Variants in CTNNA3 observed in about 807,000 individuals in gnomAD.
CTNNA3 encodes catenin alpha 3, also known as catenin alpha-3.
Under a neutral mutation model 95.7 loss-of-function variants are expected in CTNNA3, and 76 were observed. The ratio of observed to expected loss-of-function variants is 0.79; its 90% confidence interval spans 0.66 to 0.96. The LOEUF is 0.96. Among genes scored for constraint, CTNNA3 ranks in the 40% least tolerant of loss-of-function variants. The probability of loss-of-function intolerance (pLI) is 0.00; values close to 1 mark genes in which losing one functional copy is unlikely to be tolerated. For missense variants in CTNNA3, 1,191 were observed against 1,089.8 expected (o/e 1.09, Z -1.31); for synonymous variants, 431 against 374.4 (o/e 1.15, Z -1.74).
At chr10:66,210,964 T>C (rs2088115370) in intron 13 of CTNNA3, among the ~76,000 whole-genome samples, 1 of 152,214 alleles carries the variant, frequency 6.6e-6, no homozygotes, top group Non-Finnish European at 1.5e-5. Context: ...GAAACAACAC[T>C]TCCCATAAAC....
intron 9 of CTNNA3, among the ~76,000 whole-genome samples, chr10:66,637,346 C>T (rs1196283206): frequency 2.0e-5 from 3 of 152,170 alleles, no homozygotes; most frequent in Non-Finnish European, 4.4e-5. Flanking sequence ...GAAAGCAATG[C>T]TGCATTCAAG....
intron 5 of CTNNA3, among the ~76,000 whole-genome samples, chr10:67,328,668 T>C (rs1443378058): frequency 6.6e-6 from 1 of 152,224 alleles, no homozygotes; most frequent in Non-Finnish European, 1.5e-5. Context: ...TAGCCCCATG[T>C]AGCGTTTCCA....
intron 3 of CTNNA3, among the ~76,000 whole-genome samples, chr10:67,559,606 G>A (rs1454863964): frequency 1.3e-5 from 2 of 152,174 alleles, no homozygotes; most frequent in Non-Finnish European, 2.9e-5. Flanking sequence ...AAGGAACACA[G>A]CTCCTCACCA....
intron 7 of CTNNA3, among the ~76,000 whole-genome samples, chr10:67,119,624 TA>T (rs1859361906): frequency 6.6e-6 from 1 of 151,958 alleles, no homozygotes; most frequent in Non-Finnish European, 1.5e-5. Context: ...TTTTTCTTTC[TA>T]AATCTTTTAG....
At chr10:67,152,778 TC>T (rs1406522033) in intron 7 of CTNNA3, among the ~76,000 whole-genome samples, 1 of 95,440 alleles carries the variant, frequency 1.0e-5, no homozygotes, top group Non-Finnish European at 2.0e-5. Context: ...CTTTTTCCTA[TC>T]TTTCAGTAAA....
chr10:65,988,150 G>T (rs1475524278), intron 16 of CTNNA3, among the ~76,000 whole-genome samples: 1 of 151,966 alleles, frequency 6.6e-6, no homozygotes, highest in Non-Finnish European at 1.5e-5. Flanking sequence ...AATTTATTGT[G>T]TATTTAAAAA....
At chr10:67,458,984 AG>A (rs1847276262) in intron 5 of CTNNA3, among the ~76,000 whole-genome samples, 1 of 152,216 alleles carries the variant, frequency 6.6e-6, no homozygotes, top group Admixed American at 6.5e-5. Context: ...TGCTAAAAGA[AG>A]GAAAGTACAC....
intron 2 of CTNNA3, among the ~76,000 whole-genome samples, chr10:67,619,019 G>A (rs1361640629): frequency 6.6e-6 from 1 of 152,130 alleles, no homozygotes; most frequent in Non-Finnish European, 1.5e-5. Flanking sequence ...TCTTAAAAGT[G>A]TAAATATGGA....
intron 13 of CTNNA3, among the ~76,000 whole-genome samples, chr10:66,178,859 T>C (rs1392250302): frequency 6.6e-6 from 1 of 151,894 alleles, no homozygotes; most frequent in Non-Finnish European, 1.5e-5. Context: ...TGAAATATCA[T>C]TACATACCTA....
At chr10:67,746,812 G>A (rs1394908971) in intron 1 of CTNNA3, among the ~76,000 whole-genome samples, 7 of 152,310 alleles carry the variant, frequency 4.6e-5, no homozygotes, top group South Asian at 2.1e-4. Context: ...TGAGCTCCAC[G>A]GGGAAGGGAC....
At chr10:66,353,223 T>G (rs1272576306) in intron 12 of CTNNA3, among the ~76,000 whole-genome samples, 1 of 152,102 alleles carries the variant, frequency 6.6e-6, no homozygotes, top group Non-Finnish European at 1.5e-5. Flanking sequence ...TCTATTAAAA[T>G]AGAATAGATT....
At chr10:67,245,556 G>T (rs1051058244) in intron 5 of CTNNA3, among the ~76,000 whole-genome samples, 2 of 152,102 alleles carry the variant, frequency 1.3e-5, no homozygotes, top group South Asian at 4.2e-4. Flanking sequence ...CTATCATATG[G>T]CAATAAAATA....
chr10:66,864,930 T>C (rs1275529737), intron 7 of CTNNA3, among the ~76,000 whole-genome samples: 2 of 152,146 alleles, frequency 1.3e-5, no homozygotes, highest in Non-Finnish European at 2.9e-5. Context: ...CGGAATTGTA[T>C]ACATTTAGAT....
chr10:67,400,861 A>G (rs1041926020), intron 5 of CTNNA3, among the ~76,000 whole-genome samples: 7 of 152,224 alleles, frequency 4.6e-5, no homozygotes, highest in Non-Finnish European at 8.8e-5. Context: ...AAAGAATATT[A>G]GAATTAAATT....
chr10:66,581,996 A>G (rs117351560), intron 10 of CTNNA3, among the ~76,000 whole-genome samples: 3,601 of 151,472 alleles, frequency 0.024, 83 homozygotes, highest in East Asian at 0.056. Context: ...TCTCTATTAT[A>G]TTCCATTGAT....
intron 10 of CTNNA3, among the ~76,000 whole-genome samples, chr10:66,576,889 T>A (rs1564544089): frequency 2.6e-5 from 4 of 151,682 alleles, no homozygotes; most frequent in African/African-American, 4.8e-5. Flanking sequence ...CTGTTTCAAG[T>A]TCTTTGAGAA....
chr10:66,080,962 G>T (rs2080737311), intron 14 of CTNNA3, among the ~76,000 whole-genome samples: 1 of 152,084 alleles, frequency 6.6e-6, no homozygotes. Context: ...CAAGAAACTG[G>T]GACAAGATGT....
chr10:66,453,969 G>T (rs1295557869), intron 11 of CTNNA3, among the ~76,000 whole-genome samples: 1 of 152,156 alleles, frequency 6.6e-6, no homozygotes, highest in East Asian at 1.9e-4. Context: ...AGGACCTAAA[G>T]ATAGGGAGCT....
At chr10:65,959,745 A>G (rs1032510282) in intron 17 of CTNNA3, among the ~76,000 whole-genome samples, 25 of 152,088 alleles carry the variant, frequency 1.6e-4, no homozygotes, top group Admixed American at 6.6e-4. Context: ...TGAACTCATA[A>G]GCTCAAGCAA....
Sources: allele counts gnomAD v4.1 joint callset (sites outside exome capture counted in the v4.1 genomes callset), GRCh38; gene constraint gnomAD v4.1.1; transcripts MANE v1.5; gene names NCBI Gene and HGNC (gene_info 2026-07-23, HGNC 2026-07-21).